The following PDLIM3 variants were observed in gnomAD, a reference collection of about 807,000 sequenced individuals.
The protein encoded by PDLIM3 is PDZ and LIM domain 3.
In PDLIM3, 36 loss-of-function variants were observed where a neutral mutation model predicts 37.3. The observed-to-expected ratio is 0.97, with a 90% CI of 0.74 to 1.28. The LOEUF (loss-of-function observed/expected upper bound fraction) is 1.28. PDLIM3 is among the 50% of genes most tolerant of loss of function. The probability of loss-of-function intolerance (pLI) is 0.00; values close to 1 mark genes in which losing one functional copy is unlikely to be tolerated. For missense variants in PDLIM3, 454 were observed against 485.0 expected, an observed-to-expected ratio of 0.94 and a Z score of 0.60; for synonymous variants, 174 against 182.4, an observed-to-expected ratio of 0.95 and a Z score of 0.37.
intron 4 of PDLIM3, among the ~76,000 whole-genome samples, chr4:185,509,603 A>G (rs1172866789): frequency 6.6e-6 from 1 of 152,246 alleles, no homozygotes; most frequent in South Asian, 2.1e-4. Flanking sequence ...AGATTTTTGT[A>G]AAAAAAGCAT....
intron 4 of PDLIM3, chr4:185,512,925 C>T (rs1358132105): frequency 2.0e-6 from 2 of 985,418 alleles, no homozygotes; most frequent in Non-Finnish European, 2.4e-6. Flanking sequence ...TAGAGAGAAG[C>T]AGGAGAGGAC....
At chr4:185,518,163 A>AT (rs773991339) in intron 3 of PDLIM3, among the ~76,000 whole-genome samples, 1 of 152,192 alleles carries the variant, frequency 6.6e-6, no homozygotes, top group Non-Finnish European at 1.5e-5. Context: ...TTAGAGGCTT[A>AT]TATTAAGGAA....
chr4:185,512,864 G>A (rs895840951), intron 4 of PDLIM3: 19 of 985,224 alleles, frequency 1.9e-5, no homozygotes, highest in Admixed American at 6.2e-5. Flanking sequence ...TGTTGAAAGT[G>A]GAGAAACGGA....
In PDLIM3 at chr4:185,502,548, G is replaced by T. The variant is rs1443607905; in HGVS notation, c.906-65C>A. 8 of 1,432,410 alleles carry T rather than the reference G, an allele frequency of 5.6e-6. No individual in the cohort carries two copies. In the East Asian group the frequency reaches 1.4e-4, roughly 24 times the overall value. 88.7% of individuals were successfully genotyped at this position (1,432,410 alleles called of 1,614,324 possible). ...GAGCAAAAATATGAGACAAAGGAGA[G>T]AACCCAACAGAGAAGGCAGATGTTC... On this transcript the variant is annotated intron_variant, in intron 7 of 7. Transcript: ENST00000284767.
At chr4:185,517,692 C>T (rs924420972) in intron 3 of PDLIM3, 1 of 150,806 alleles carries the variant, frequency 6.6e-6, no homozygotes, top group Non-Finnish European at 1.5e-5. Context: ...AAAAAAAAAA[C>T]CAACAACCTC....
At chr4:185,509,488 T>C (rs2095703278) in intron 4 of PDLIM3, among the ~76,000 whole-genome samples, 1 of 152,150 alleles carries the variant, frequency 6.6e-6, no homozygotes, top group Non-Finnish European at 1.5e-5. Flanking sequence ...ATCGAAGAAC[T>C]AGGGAGATTG....
At chr4:185,532,918 A>G (rs2095747245) in intron 1 of PDLIM3, among the ~76,000 whole-genome samples, 1 of 152,240 alleles carries the variant, frequency 6.6e-6, no homozygotes, top group African/African-American at 2.4e-5. Flanking sequence ...CAATAAGGCC[A>G]GTGATGAACA....
chr4:185,515,606 T>G (rs1383852287), intron 3 of PDLIM3: 1 of 152,172 alleles, frequency 6.6e-6, no homozygotes, highest in African/African-American at 2.4e-5. Flanking sequence ...CCCCAAAAGA[T>G]TAAAGTCAGT....
At chr4:185,528,946 TTATTA>T (rs2153339071) in intron 1 of PDLIM3, among the ~76,000 whole-genome samples, 1 of 152,366 alleles carries the variant, frequency 6.6e-6, no homozygotes, top group East Asian at 1.9e-4. Context: ...TATTCTTTCC[TTATTA>T]TATTACTTTG....
In PDLIM3 at chr4:185,506,493, C is replaced by T. The variant is rs56776875; in HGVS notation, c.793+29G>A. On this transcript the variant is annotated intron_variant, in intron 6 of 7. Transcript: ENST00000284767. ...CCCCCTGCAGTGGCCTCTATCAATA[C>T]GTTTCAGCAGGTGTCAGCGGCTGCT... 3,203 of 1,613,080 alleles carry T rather than the reference C, an allele frequency of 2.0e-3. 77 individuals are homozygous for T. In the African/African-American group the frequency reaches 0.038, roughly 19 times the overall value.
chr4:185,528,887 G>C (rs949371651), intron 1 of PDLIM3, among the ~76,000 whole-genome samples: 2 of 152,128 alleles, frequency 1.3e-5, no homozygotes, highest in Non-Finnish European at 2.9e-5. Context: ...TAAGTTAAAC[G>C]ATCTGTTTTC....
intron 1 of PDLIM3, among the ~76,000 whole-genome samples, chr4:185,528,078 A>AACAAG (rs34834312): frequency 6.6e-6 from 1 of 151,580 alleles, no homozygotes; most frequent in Non-Finnish European, 1.5e-5. Flanking sequence ...AACAAAACAA[A>AACAAG]CAAACAAACA....
intron 1 of PDLIM3, among the ~76,000 whole-genome samples, chr4:185,530,759 A>G (rs769647187): frequency 2.0e-5 from 3 of 152,034 alleles, no homozygotes; most frequent in Non-Finnish European, 4.4e-5. Flanking sequence ...TGGGTCATGG[A>G]TCATCCCTTT....
intron 3 of PDLIM3, among the ~76,000 whole-genome samples, chr4:185,519,078 A>G (rs986134511): frequency 2.6e-5 from 4 of 152,218 alleles, no homozygotes; most frequent in Non-Finnish European, 4.4e-5. Context: ...AGTCAAGAGC[A>G]ACACTTCGTA....
chr4:185,527,782 C>T (rs1309223717), intron 1 of PDLIM3, among the ~76,000 whole-genome samples: 1 of 152,124 alleles, frequency 6.6e-6, no homozygotes, highest in Non-Finnish European at 1.5e-5. Context: ...AGGCATGATG[C>T]CTCATGCCTG....
At position 185,525,306 on chromosome 4, in the gene PDLIM3, T is replaced by C. The variant is rs188791240; in HGVS notation, c.94-135A>G. ...GAAAGACTGTAAATCTAACTAAAGA[T>C]AACTCTTAGTTGGTCAGTTGAGTTA... On this transcript the variant is annotated intron_variant, in intron 1 of 7. Transcript: ENST00000284767. The C allele has an allele frequency of 1.4e-3, 1,250 of 871,932 alleles. 16 individuals are homozygous for C. The African/African-American group carries it at 0.018, about 13-fold the overall frequency. The allele number at this position is 871,932 out of a possible 1,614,324, so 54.0% of individuals were successfully genotyped here.
intron 1 of PDLIM3, among the ~76,000 whole-genome samples, chr4:185,534,019 A>T (rs961459868): frequency 6.6e-6 from 1 of 152,210 alleles, no homozygotes; most frequent in Non-Finnish European, 1.5e-5. Context: ...TGCTTGGCCC[A>T]GGTCACTGAA....
At chr4:185,513,148 C>A in intron 4 of PDLIM3, 1 of 984,056 alleles carries the variant, frequency 1.0e-6, no homozygotes, top group Middle Eastern at 5.2e-4. Context: ...AGACCAGGCC[C>A]CTGCAGACAC....
intron 4 of PDLIM3, 123 bp from the exon 5 acceptor site, chr4:185,508,685 T>G: frequency 1.0e-5 from 9 of 879,140 alleles, no homozygotes; most frequent in Non-Finnish European, 1.7e-5. Flanking sequence ...AGAGGTGAAT[T>G]ACATCAAAAT....
Sources: gnomAD v4.1 joint callset for allele counts (sites outside exome capture counted in the v4.1 genomes callset) on GRCh38, gnomAD v4.1.1 for gene constraint, MANE v1.5 for transcripts, NCBI Gene and HGNC (gene_info 2026-07-23, HGNC 2026-07-21) for gene names.